The following RALGPS1 variants were observed in gnomAD, a reference collection of about 807,000 sequenced individuals.
RALGPS1 encodes the protein Ral GEF with PH domain and SH3 binding motif 1.
A neutral mutation model predicts 78.8 loss-of-function variants in RALGPS1; 19 were observed. That is an observed-to-expected ratio of 0.24 (90% CI 0.17 to 0.35). The LOEUF (loss-of-function observed/expected upper bound fraction) is 0.35. Among genes scored for constraint, RALGPS1 ranks in the 10% least tolerant of loss-of-function variants. RALGPS1 has a pLI of 1.00. For missense variants in RALGPS1, 454 were observed against 688.3 expected, an observed-to-expected ratio of 0.66 and a Z score of 3.81; for synonymous variants, 228 against 256.3, an observed-to-expected ratio of 0.89 and a Z score of 1.06.
intron 8 of RALGPS1, among the ~76,000 whole-genome samples, chr9:127,127,458 T>C (rs1272931197): frequency 6.6e-6 from 1 of 152,228 alleles, no homozygotes; most frequent in Non-Finnish European, 1.5e-5. Flanking sequence ...CTGCTGTTGG[T>C]GCTCTGCCAT....
chr9:127,108,419 T>G, intron 8 of RALGPS1: 1 of 1,608,684 alleles, frequency 6.2e-7, no homozygotes, highest in Non-Finnish European at 8.5e-7. Flanking sequence ...TGCTGCAGCG[T>G]CTCGATCTGC....
intron 4 of RALGPS1, among the ~76,000 whole-genome samples, chr9:127,002,027 A>G (rs2043355914): frequency 6.6e-6 from 1 of 152,220 alleles, no homozygotes; most frequent in Non-Finnish European, 1.5e-5. Flanking sequence ...TCTTAAGGCT[A>G]TAACTCAATG....
chr9:127,030,019 T>C (rs981202277), intron 4 of RALGPS1, among the ~76,000 whole-genome samples: 3 of 152,194 alleles, frequency 2.0e-5, no homozygotes, highest in Non-Finnish European at 4.4e-5. Flanking sequence ...ATTTCCACAG[T>C]GTCTTTGTGA....
At chr9:126,950,312 C>T (rs866796713) in intron 1 of RALGPS1, among the ~76,000 whole-genome samples, 3 of 152,180 alleles carry the variant, frequency 2.0e-5, no homozygotes, top group African/African-American at 7.2e-5. Context: ...TTTTTGGTTC[C>T]ATATGAACTT....
intron 4 of RALGPS1, among the ~76,000 whole-genome samples, chr9:126,984,733 C>G (rs1465893295): frequency 6.6e-6 from 1 of 152,320 alleles, no homozygotes; most frequent in South Asian, 2.1e-4. Flanking sequence ...TGTGATCCCA[C>G]TCATTTTTGA....
chr9:126,982,053 A>G (rs1230267537), intron 4 of RALGPS1, among the ~76,000 whole-genome samples: 2 of 152,192 alleles, frequency 1.3e-5, no homozygotes, highest in Non-Finnish European at 2.9e-5. Flanking sequence ...GAGTGTCCTC[A>G]TGGCATGGCA....
Position 127,195,116 on chromosome 9 carries a change from G to C in RALGPS1, c.936G>C (p.Ala312=). 1.2e-6 allele frequency: 2 copies of C among 1,613,478 alleles called. No individual in the cohort carries two copies. The highest frequency in any genetic ancestry group is 2.2e-5 in the East Asian group (1 of 44,880). ...LAGPSAGSGS[A]RFSRRPTCPD... The stretch of plus-strand genomic sequence containing the variant: ...GTCCCTCTGCTGGCTCCGGTTCTGC[G>C]AGGTTCAGCCGGAGGCCCACCTGTC... The change falls in exon 12 of 19, where the codon GCG becomes GCC. Residue 312 remains alanine, a synonymous_variant. Coordinates refer to ENST00000259351, the MANE Select transcript of RALGPS1 (RefSeq NM_014636.3).
chr9:127,125,039 A>C (rs2056507654), intron 8 of RALGPS1, among the ~76,000 whole-genome samples: 1 of 152,086 alleles, frequency 6.6e-6, no homozygotes, highest in Non-Finnish European at 1.5e-5. Context: ...AATTGGTGGC[A>C]TTGGGCACTG....
intron 10 of RALGPS1, among the ~76,000 whole-genome samples, chr9:127,172,099 T>C (rs1264691797): frequency 1.3e-5 from 2 of 152,186 alleles, no homozygotes; most frequent in Non-Finnish European, 2.9e-5. Context: ...GTCCCTTAAT[T>C]TAGCTGCGTT....
intron 10 of RALGPS1, among the ~76,000 whole-genome samples, chr9:127,171,045 G>A (rs1028865): frequency 0.37 from 56,492 of 152,064 alleles, 12,432 homozygotes; most frequent in Non-Finnish European, 0.48. Flanking sequence ...TACCTTAGTG[G>A]CATTGCATTG....
At chr9:127,027,887 G>A (rs2046092191) in intron 4 of RALGPS1, among the ~76,000 whole-genome samples, 1 of 152,198 alleles carries the variant, frequency 6.6e-6, no homozygotes, top group Non-Finnish European at 1.5e-5. Context: ...GAGCCTCATA[G>A]TCTCATCCAT....
intron 10 of RALGPS1, among the ~76,000 whole-genome samples, chr9:127,171,727 C>T (rs2059576115): frequency 6.6e-6 from 1 of 152,112 alleles, no homozygotes; most frequent in Admixed American, 6.5e-5. Flanking sequence ...CCACTGCACT[C>T]CAGCCTAGGT....
chr9:127,219,032 G>C lies in RALGPS1; in HGVS notation c.*263G>C. 1 of 540,480 alleles carries C rather than the reference G, an allele frequency of 1.9e-6. No individual in the cohort carries two copies. The highest frequency in any genetic ancestry group is 3.3e-6 in the Non-Finnish European group (1 of 298,826). 33.5% of individuals were successfully genotyped at this position (540,480 alleles called of 1,614,324 possible). ...GGTCAGACCCCACACGCCCTCTCTGGGCCCACCACCTGCATCTGCGACTAG... is the reference window on the plus strand; with the variant it reads ...GGTCAGACCCCACACGCCCTCTCTGCGCCCACCACCTGCATCTGCGACTAG... On this transcript the variant is annotated 3_prime_UTR_variant, in exon 19 of 19. Coordinates refer to ENST00000259351, the MANE Select transcript of RALGPS1 (RefSeq NM_014636.3). This position sits in a 1 kb window ranked among gnomAD's most constrained non-coding sequence, Gnocchi z 5.0.
intron 8 of RALGPS1, among the ~76,000 whole-genome samples, chr9:127,089,713 T>C (rs1433348124): frequency 1.3e-5 from 2 of 152,234 alleles, no homozygotes; most frequent in Admixed American, 1.3e-4. Context: ...AAAGGAAAGA[T>C]ATTTCCATAA....
chr9:127,174,733 A>G lies in RALGPS1; in HGVS notation c.861A>G (p.Glu287=). The change falls in exon 11 of 19, where the codon GAA becomes GAG. Residue 287 remains glutamate (E), a synonymous_variant. Coordinates refer to ENST00000259351, the MANE Select transcript of RALGPS1 (RefSeq NM_014636.3). The stretch of plus-strand genomic sequence containing the variant: ...TTTTCAGACTGTCGCTCAGAATCGA[A>G]CCAGGAAGCAGCTCTCCAAGACTAG... ...DDNYKLSLRI[E]PGSSSPRLVS... 6.2e-7 allele frequency: 1 copy of G among 1,614,196 alleles called. No individual in the cohort carries two copies. The highest frequency in any genetic ancestry group is 8.5e-7 in the Non-Finnish European group (1 of 1,180,028).
At chr9:127,108,186 C>T (rs1315787864) in intron 8 of RALGPS1, 3 of 1,614,108 alleles carry the variant, frequency 1.9e-6, no homozygotes, top group Non-Finnish European at 2.5e-6. Flanking sequence ...GGTGCTGGTA[C>T]TTGTGCTCCA....
At position 127,008,895 on chromosome 9, in the gene RALGPS1, G is replaced by A. The variant is rs188534591; in HGVS notation, c.217-25536G>A. On this transcript the variant is annotated intron_variant, in intron 4 of 18. Transcript: ENST00000259351. ...ATTTCTTCTCTTCCTCTTTTCCTTC[G>A]GCCTTCATTTGCTGTTATAATCATC... Among the ~76,000 whole-genome samples, 56 of 152,076 alleles carry A rather than the reference G, an allele frequency of 3.7e-4. 1 individual carries two copies. Among genetic ancestry groups the A allele is most frequent in the Admixed American group, 2.9e-3 (45 of 15,292 alleles).
At chr9:127,055,818 T>C (rs2048695783) in intron 7 of RALGPS1, among the ~76,000 whole-genome samples, 1 of 152,236 alleles carries the variant, frequency 6.6e-6, no homozygotes, top group African/African-American at 2.4e-5. Flanking sequence ...TTTTGTAACA[T>C]AAGTATTGCA....
chr9:127,185,685 T>C (rs1207084073), intron 11 of RALGPS1, among the ~76,000 whole-genome samples: 1 of 152,240 alleles, frequency 6.6e-6, no homozygotes, highest in Non-Finnish European at 1.5e-5. Flanking sequence ...TTGTTGCCTT[T>C]ACCGTATTTA....
Sources: gnomAD v4.1 joint callset for allele counts (sites outside exome capture counted in the v4.1 genomes callset) on GRCh38, gnomAD v4.1.1 for gene constraint, Gnocchi (gnomAD v3.1) non-coding constraint, MANE v1.5 for transcripts, NCBI Gene and HGNC (gene_info 2026-07-23, HGNC 2026-07-21) for gene names.